The following ATP6V1C2 variants were observed in gnomAD, a reference collection of about 807,000 sequenced individuals.
ATP6V1C2 encodes the protein ATPase H+ transporting V1 subunit C2, also known as V-type proton ATPase subunit C 2.
A neutral mutation model predicts 56.8 loss-of-function variants in ATP6V1C2; 45 were observed. The observed-to-expected ratio is 0.79, with a 90% CI of 0.62 to 1.02. The LOEUF (loss-of-function observed/expected upper bound fraction) is 1.02. ATP6V1C2 is among the 50% of genes least tolerant of loss of function. The pLI is 0.00. For missense variants in ATP6V1C2, 463 were observed against 519.7 expected, an observed-to-expected ratio of 0.89 and a Z score of 1.06; for synonymous variants, 220 against 201.3, an observed-to-expected ratio of 1.09 and a Z score of -0.79.
intron 6 of ATP6V1C2, 117 bp from the exon 7 acceptor site, chr2:10,771,722 C>G: frequency 1.3e-6 from 1 of 775,004 alleles, no homozygotes; most frequent in South Asian, 1.5e-5. Flanking sequence ...CTCCAGCATC[C>G]CTGGCACCCA....
chr2:10,774,270 T>C (rs186481328), intron 8 of ATP6V1C2, among the ~76,000 whole-genome samples: 9 of 150,348 alleles, frequency 6.0e-5, no homozygotes, highest in African/African-American at 1.0e-4. Flanking sequence ...TTCTGGCCAA[T>C]AGGACTCAGA....
chr2:10,755,849 C>T (rs1399394568), intron 4 of ATP6V1C2, among the ~76,000 whole-genome samples: 2 of 152,210 alleles, frequency 1.3e-5, no homozygotes, highest in Admixed American at 6.5e-5. Context: ...AGTGCAGTCA[C>T]GTTGGGAATG....
rs767526675 is a variant in ATP6V1C2, at chr2:10,783,163, T to C, written c.1195-11T>C. 4.4e-6 allele frequency: 7 copies of C among 1,607,092 alleles called. 1 individual carries two copies. The South Asian group carries it at 5.5e-5, about 13-fold the overall frequency. ...TATGCACTTAGAGCATTACCATGTC[T>C]TCTTTTGTAGGCATCTGTGGAGATC... On this transcript the variant is annotated splice_polypyrimidine_tract_variant and intron_variant, in intron 13 of 13. Coordinates refer to ENST00000272238, the MANE Select transcript of ATP6V1C2 (RefSeq NM_001039362.2).
chr2:10,721,294 G>C (rs1196524068), upstream of ATP6V1C2, among the ~76,000 whole-genome samples: 1 of 152,058 alleles, frequency 6.6e-6, no homozygotes, highest in Non-Finnish European at 1.5e-5. Context: ...GGCGGCCGCA[G>C]CGGGAGGGCG....
chr2:10,721,458 G>C (rs1362262925), upstream of ATP6V1C2, among the ~76,000 whole-genome samples: 1 of 152,122 alleles, frequency 6.6e-6, no homozygotes, highest in Non-Finnish European at 1.5e-5. Context: ...GGGGACTGGA[G>C]ACCCTGCGCG....
At chr2:10,771,624 A>G (rs1189183408) in intron 6 of ATP6V1C2, among the ~76,000 whole-genome samples, 1 of 152,074 alleles carries the variant, frequency 6.6e-6, no homozygotes, top group Non-Finnish European at 1.5e-5. Context: ...CCTGGAGGGG[A>G]GGAGGCAGCA....
At chr2:10,738,516 C>A (rs1215024680) in intron 3 of ATP6V1C2, among the ~76,000 whole-genome samples, 1 of 152,152 alleles carries the variant, frequency 6.6e-6, no homozygotes, top group African/African-American at 2.4e-5. Context: ...CCATCTTGGA[C>A]CCTGCCCCGG....
intron 3 of ATP6V1C2, among the ~76,000 whole-genome samples, chr2:10,733,414 C>G (rs1326224073): frequency 6.6e-6 from 1 of 152,194 alleles, no homozygotes; most frequent in Admixed American, 6.6e-5. Flanking sequence ...CCCAGGAGAA[C>G]AGAGAAGGCA....
Position 10,772,541 on chromosome 2 carries a change from G to T in ATP6V1C2, c.570-1G>T, listed in dbSNP as rs181778954. 6.2e-7 allele frequency: 1 copy of T among 1,613,590 alleles called. No homozygotes were observed. The highest frequency in any genetic ancestry group is 1.3e-5 in the African/African-American group (1 of 75,042). On this transcript the variant is annotated splice_acceptor_variant, in intron 7 of 13. Transcript: ENST00000272238. LOFTEE classifies it high-confidence loss of function. ...CACGTAACGATTCTATGTTCTTGCA[G>T]ACCAAACTACTCACAATGGCAAAAA...
chr2:10,778,459 C>T (rs965949078), intron 11 of ATP6V1C2, 113 bp from the exon 12 acceptor site: 2 of 935,416 alleles, frequency 2.1e-6, no homozygotes, highest in Admixed American at 4.0e-5. Context: ...GCTTCTGGCT[C>T]CTGGGCACTT....
At chr2:10,771,785 C>A in intron 6 of ATP6V1C2, 54 bp from the exon 7 acceptor site, 1 of 1,419,830 alleles carries the variant, frequency 7.0e-7, no homozygotes, top group Non-Finnish European at 1.0e-6. Context: ...TGTGGGGTCA[C>A]TGTGTCCCTT....
chr2:10,725,127 A>G (rs78912116), intron 2 of ATP6V1C2, among the ~76,000 whole-genome samples: 2,039 of 152,160 alleles, frequency 0.013, 42 homozygotes, highest in African/African-American at 0.046. Context: ...TAAGAAATAG[A>G]TCATGGCCAG....
rs544179523 is a variant in ATP6V1C2 at position 10,729,219 on chromosome 2, G to C, written c.197+2650G>C. ...TCACTCTGTCACCCAGGCTGGAGTA[G>C]AGTAGCACGATCTGGGCTCACTACA... On this transcript the variant is annotated intron_variant, in intron 3 of 13. Coordinates refer to ENST00000272238, the MANE Select transcript of ATP6V1C2 (RefSeq NM_001039362.2). Among the ~76,000 whole-genome samples, 1,069 of 150,732 alleles carry C rather than the reference G, an allele frequency of 7.1e-3. 11 individuals carry two copies. The highest frequency in any genetic ancestry group is 0.026 in the African/African-American group (1,042 of 40,858).
At chr2:10,751,898 C>T (rs555533937) in intron 3 of ATP6V1C2, among the ~76,000 whole-genome samples, 4 of 152,072 alleles carry the variant, frequency 2.6e-5, no homozygotes, top group African/African-American at 7.2e-5. Context: ...GCTTTAGCCC[C>T]GGAGTTCGAG....
At chr2:10,766,299 G>A (rs1008936255) in intron 5 of ATP6V1C2, among the ~76,000 whole-genome samples, 1 of 152,086 alleles carries the variant, frequency 6.6e-6, no homozygotes, top group African/African-American at 2.4e-5. Flanking sequence ...CCTCAGCCTC[G>A]CTCTGCCAAC....
At chr2:10,753,242 AG>A (rs1276702033) in intron 3 of ATP6V1C2, among the ~76,000 whole-genome samples, 5 of 152,216 alleles carry the variant, frequency 3.3e-5, no homozygotes, top group African/African-American at 1.2e-4. Flanking sequence ...TACTGCCTGT[AG>A]GAGTTTGTAT....
At chr2:10,727,050 T>TCCC (rs1159334825) in intron 3 of ATP6V1C2, among the ~76,000 whole-genome samples, 17 of 142,426 alleles carry the variant, frequency 1.2e-4, no homozygotes, top group African/African-American at 4.2e-4. Flanking sequence ...CCTTCCTTCC[T>TCCC]TCCTCCCTCC....
chr2:10,739,602 A>C (rs764253573), intron 3 of ATP6V1C2, among the ~76,000 whole-genome samples: 1 of 152,102 alleles, frequency 6.6e-6, no homozygotes, highest in Admixed American at 6.6e-5. Context: ...CTGCTCACCC[A>C]GAAGACTTCT....
intron 3 of ATP6V1C2, among the ~76,000 whole-genome samples, chr2:10,737,938 G>A (rs1662347511): frequency 6.6e-6 from 1 of 152,190 alleles, no homozygotes; most frequent in South Asian, 2.1e-4. Context: ...AAGTGATCCT[G>A]CCTTGGCCTC....
Sources: gnomAD v4.1 joint callset for allele counts (sites outside exome capture counted in the v4.1 genomes callset) on GRCh38, gnomAD v4.1.1 for gene constraint, MANE v1.5 for transcripts, NCBI Gene and HGNC (gene_info 2026-07-23, HGNC 2026-07-21) for gene names.